Variants in COL14A1 observed in about 807,000 individuals in gnomAD.
COL14A1 encodes collagen type XIV alpha 1 chain, also known as collagen alpha-1(XIV) chain.
A neutral mutation model predicts 230.3 loss-of-function variants in COL14A1; 136 were observed. The ratio of observed to expected loss-of-function variants is 0.59; its 90% CI spans 0.51 to 0.68. COL14A1 has a LOEUF of 0.68. Ranked by LOEUF, COL14A1 falls within the 30% of genes least tolerant of loss-of-function variation. The pLI, the probability that COL14A1 is intolerant of heterozygous loss-of-function variation, is 0.00. For missense variants in COL14A1, 1,976 were observed against 2,215.8 expected, an observed-to-expected ratio of 0.89 and a Z score of 2.17; for synonymous variants, 792 against 784.1, an observed-to-expected ratio of 1.01 and a Z score of -0.17.
At chr8:120,214,931 T>A (rs1392097427) in intron 13 of COL14A1, among the ~76,000 whole-genome samples, 1 of 152,170 alleles carries the variant, frequency 6.6e-6, no homozygotes, top group African/African-American at 2.4e-5. Context: ...GGGAAGAGCC[T>A]TGAAGGCAAA....
At chr8:120,156,054 A>C (rs946805510) in intron 2 of COL14A1, among the ~76,000 whole-genome samples, 5 of 152,188 alleles carry the variant, frequency 3.3e-5, no homozygotes, top group Admixed American at 6.5e-5. Context: ...AAGAAAATCT[A>C]TTCTTAAGAT....
intron 5 of COL14A1, among the ~76,000 whole-genome samples, chr8:120,192,532 G>A (rs1816863953): frequency 6.6e-6 from 1 of 152,158 alleles, no homozygotes; most frequent in African/African-American, 2.4e-5. Flanking sequence ...TCTTGGAGTT[G>A]CTCTTCTCGA....
chr8:120,171,905 G>T (rs768999801), intron 5 of COL14A1, among the ~76,000 whole-genome samples: 2 of 151,380 alleles, frequency 1.3e-5, no homozygotes, highest in African/African-American at 2.4e-5. Context: ...AATATTTTGG[G>T]TTCCTTATAT....
intron 26 of COL14A1, chr8:120,277,871 C>A: frequency 4.3e-6 from 1 of 232,844 alleles, no homozygotes; most frequent in Non-Finnish European, 8.3e-6. Context: ...TGCCGTTTAC[C>A]CATGTAACAA....
intron 45 of COL14A1, among the ~76,000 whole-genome samples, chr8:120,347,642 A>G (rs966645194): frequency 1.3e-5 from 2 of 152,328 alleles, no homozygotes; most frequent in East Asian, 3.9e-4. Flanking sequence ...ATAAAATTTA[A>G]AAACTGAAGT....
chr8:120,279,908 C>A (rs112169464), intron 28 of COL14A1, 27 bp from the exon 29 acceptor site: 1 of 1,607,314 alleles, frequency 6.2e-7, no homozygotes, highest in South Asian at 1.1e-5. Flanking sequence ...TTAAAGTAAT[C>A]GGAAATCTGT....
intron 24 of COL14A1, among the ~76,000 whole-genome samples, chr8:120,263,616 CA>C: frequency 6.6e-6 from 1 of 152,340 alleles, no homozygotes; most frequent in East Asian, 1.9e-4. Context: ...CCCGGCTCCA[CA>C]AACATTAAAA....
intron 10 of COL14A1, among the ~76,000 whole-genome samples, chr8:120,207,695 G>A (rs1414234896): frequency 6.6e-6 from 1 of 152,046 alleles, no homozygotes; most frequent in African/African-American, 2.4e-5. Flanking sequence ...GTTAAAACAC[G>A]ATGAAATTCT....
At chr8:120,202,410 A>G (rs747990300) in intron 8 of COL14A1, among the ~76,000 whole-genome samples, 2 of 152,212 alleles carry the variant, frequency 1.3e-5, no homozygotes, top group Non-Finnish European at 2.9e-5. Context: ...GAAGTAATTC[A>G]TGTTGCCCCA....
At chr8:120,353,851 G>A (rs891496004) in intron 45 of COL14A1, among the ~76,000 whole-genome samples, 10 of 151,862 alleles carry the variant, frequency 6.6e-5, no homozygotes, top group African/African-American at 2.4e-4. Context: ...CAGGAATCTA[G>A]AACTGGAGAT....
chr8:120,223,237 T>G (rs757075747), intron 14 of COL14A1, among the ~76,000 whole-genome samples: 1 of 152,184 alleles, frequency 6.6e-6, no homozygotes, highest in Non-Finnish European at 1.5e-5. Context: ...AGACAGCCAA[T>G]GAAGGTTTAA....
chr8:120,158,856 T>C (rs955856755), intron 3 of COL14A1, among the ~76,000 whole-genome samples: 1 of 152,210 alleles, frequency 6.6e-6, no homozygotes, highest in South Asian at 2.1e-4. Flanking sequence ...GTTGAATTTT[T>C]CTTTCTCATA....
At chr8:120,282,559 A>G (rs1449415804) in intron 31 of COL14A1, among the ~76,000 whole-genome samples, 2 of 152,212 alleles carry the variant, frequency 1.3e-5, no homozygotes, top group Admixed American at 1.3e-4. Context: ...ATTAATGAAT[A>G]TATAAATAAA....
At chr8:120,187,128 T>C (rs1226884733) in intron 5 of COL14A1, among the ~76,000 whole-genome samples, 5 of 152,244 alleles carry the variant, frequency 3.3e-5, no homozygotes, top group Non-Finnish European at 5.9e-5. Context: ...CTTCACTGAC[T>C]ATGTTGATAA....
intron 42 of COL14A1, among the ~76,000 whole-genome samples, chr8:120,336,918 G>A (rs901429263): frequency 1.3e-5 from 2 of 152,160 alleles, no homozygotes; most frequent in African/African-American, 4.8e-5. Context: ...CACATCTCCT[G>A]TGTAAAGCCA....
At chr8:120,256,233 T>C (rs139264235) in intron 23 of COL14A1, among the ~76,000 whole-genome samples, 1 of 152,320 alleles carries the variant, frequency 6.6e-6, no homozygotes, top group East Asian at 1.9e-4. Context: ...GCAAATGATC[T>C]TGGTTTCCCC....
intron 5 of COL14A1, among the ~76,000 whole-genome samples, chr8:120,186,450 A>G (rs1373682793): frequency 6.6e-6 from 1 of 152,230 alleles, no homozygotes; most frequent in Non-Finnish European, 1.5e-5. Context: ...AGTGGCATAG[A>G]ACAAAATAAT....
chr8:120,261,317 C>A (rs1396406296), intron 23 of COL14A1, among the ~76,000 whole-genome samples: 1 of 152,112 alleles, frequency 6.6e-6, no homozygotes, highest in East Asian at 1.9e-4. Flanking sequence ...AGTTTCTTCT[C>A]TTTAAATTGG....
intron 5 of COL14A1, among the ~76,000 whole-genome samples, chr8:120,191,437 C>A (rs62527013): frequency 0.34 from 51,351 of 151,080 alleles, 9,435 homozygotes; most frequent in Admixed American, 0.47. Flanking sequence ...TGTTCTTTTA[C>A]ATTTGCTGAG....
Sources: allele counts gnomAD v4.1 joint callset (sites outside exome capture counted in the v4.1 genomes callset), GRCh38; gene constraint gnomAD v4.1.1; transcripts MANE v1.5; gene names NCBI Gene and HGNC (gene_info 2026-07-23, HGNC 2026-07-21).